Variants in DSCAML1 observed in about 807,000 individuals in gnomAD.
DSCAML1 encodes DS cell adhesion molecule like 1.
A neutral mutation model predicts 200.5 loss-of-function variants in DSCAML1; 38 were observed. The observed-to-expected ratio is 0.19, with a 90% CI of 0.15 to 0.25. DSCAML1 has a LOEUF of 0.25. Ranked by LOEUF, DSCAML1 falls within the 10% of genes least tolerant of loss-of-function variation. DSCAML1 has a pLI of 1.00. For missense variants in DSCAML1, 2,223 were observed against 2,858.8 expected (o/e 0.78, Z 5.07); for synonymous variants, 1,215 against 1,165.0 (o/e 1.04, Z -0.87).
chr11:117,770,762 G>A (rs1415137444), intron 3 of DSCAML1, among the ~76,000 whole-genome samples: 1 of 152,198 alleles, frequency 6.6e-6, no homozygotes, highest in Admixed American at 6.5e-5. Flanking sequence ...GAGCCCCTTG[G>A]AGTGGGTTAA....
At chr11:117,618,484 A>AC (rs1354067481) in intron 3 of DSCAML1, among the ~76,000 whole-genome samples, 1 of 152,076 alleles carries the variant, frequency 6.6e-6, no homozygotes, top group Non-Finnish European at 1.5e-5. Context: ...CTCCCCAGCC[A>AC]CCCTGAGTCT....
At chr11:117,530,135 C>T (rs1252460474) in intron 4 of DSCAML1, among the ~76,000 whole-genome samples, 4 of 152,050 alleles carry the variant, frequency 2.6e-5, no homozygotes, top group East Asian at 1.9e-4. Flanking sequence ...TCTATTTGGG[C>T]TTTATCTGTG....
chr11:117,745,239 C>T (rs1444927944), intron 3 of DSCAML1, among the ~76,000 whole-genome samples: 1 of 150,544 alleles, frequency 6.6e-6, no homozygotes, highest in East Asian at 2.0e-4. Context: ...GGGGTGGCTG[C>T]GTGAGCATGT....
At chr11:117,581,825 C>T (rs1455517419) in intron 3 of DSCAML1, among the ~76,000 whole-genome samples, 2 of 152,188 alleles carry the variant, frequency 1.3e-5, no homozygotes, top group South Asian at 2.1e-4. Flanking sequence ...AGTCCATGCA[C>T]GCCCTTCTAG....
At chr11:117,633,984 G>A (rs2052225928) in intron 3 of DSCAML1, among the ~76,000 whole-genome samples, 1 of 152,220 alleles carries the variant, frequency 6.6e-6, no homozygotes, top group African/African-American at 2.4e-5. Flanking sequence ...TTCAACAACT[G>A]TGTATTAATA....
chr11:117,753,217 T>C (rs868103854), intron 3 of DSCAML1, among the ~76,000 whole-genome samples: 6 of 152,274 alleles, frequency 3.9e-5, no homozygotes, highest in Middle Eastern at 3.4e-3. Context: ...GCACAGTGCA[T>C]AAAGAAAGTG....
intron 19 of DSCAML1, among the ~76,000 whole-genome samples, chr11:117,456,394 GA>G (rs1189034094): frequency 6.6e-6 from 1 of 152,226 alleles, no homozygotes; most frequent in Non-Finnish European, 1.5e-5. Context: ...CTTCCTAACA[GA>G]CACAAGTAGT....
chr11:117,513,572 C>T (rs527884702), intron 8 of DSCAML1, among the ~76,000 whole-genome samples: 1 of 152,178 alleles, frequency 6.6e-6, no homozygotes, highest in African/African-American at 2.4e-5. Flanking sequence ...GAAATCCCAT[C>T]TCTACTAAAA....
rs1055462631 is a variant in DSCAML1, at chr11:117,500,046, C to T, written c.2359+3799G>A. The stretch of plus-strand genomic sequence containing the variant: ...TCTCCCTGTCACTCTCTGCCAGACA[C>T]CCTGAGTTTCCTCAACATAGGACAG... On this transcript the variant is annotated intron_variant, in intron 11 of 32. Coordinates refer to ENST00000651296, the MANE Select transcript of DSCAML1 (RefSeq NM_020693.4). 3.3e-5 allele frequency among the ~76,000 whole-genome samples: 5 copies of T among 152,354 alleles called. No individual in the cohort carries two copies. In the South Asian group the frequency reaches 6.2e-4, roughly 19 times the overall value.
chr11:117,497,206 C>G (rs1021421647), intron 11 of DSCAML1, among the ~76,000 whole-genome samples: 3 of 152,152 alleles, frequency 2.0e-5, no homozygotes, highest in Non-Finnish European at 2.9e-5. Context: ...AATAGAGGAG[C>G]AAACTGAGTC....
chr11:117,649,096 G>T (rs1310062849), intron 3 of DSCAML1, among the ~76,000 whole-genome samples: 1 of 138,850 alleles, frequency 7.2e-6, no homozygotes, highest in Non-Finnish European at 1.5e-5. Context: ...TGTATTTTTA[G>T]ACAGAATTTC....
chr11:117,561,062 G>A (rs936269239), intron 3 of DSCAML1, among the ~76,000 whole-genome samples: 2 of 152,174 alleles, frequency 1.3e-5, no homozygotes, highest in Admixed American at 1.3e-4. Flanking sequence ...TCAGGCTGCA[G>A]GGGCAGACCC....
chr11:117,590,073 A>G (rs1179726613), intron 3 of DSCAML1, among the ~76,000 whole-genome samples: 1 of 152,222 alleles, frequency 6.6e-6, no homozygotes, highest in African/African-American at 2.4e-5. Context: ...TATGTTTTTC[A>G]AAATCTACCT....
intron 3 of DSCAML1, among the ~76,000 whole-genome samples, chr11:117,758,425 G>A (rs561353190): frequency 4.0e-5 from 6 of 151,592 alleles, no homozygotes; most frequent in Non-Finnish European, 5.9e-5. Flanking sequence ...TTTTTGAGAC[G>A]GAGTCTCGCT....
At chr11:117,629,502 C>G (rs555614152) in intron 3 of DSCAML1, among the ~76,000 whole-genome samples, 2 of 147,082 alleles carry the variant, frequency 1.4e-5, no homozygotes, top group South Asian at 4.3e-4. Context: ...AAGCAGCAGA[C>G]AAGGGGGCCT....
intron 3 of DSCAML1, among the ~76,000 whole-genome samples, chr11:117,584,656 C>A (rs1003920061): frequency 1.3e-5 from 2 of 152,200 alleles, no homozygotes; most frequent in African/African-American, 4.8e-5. Flanking sequence ...ATGTGCATCA[C>A]CTGAAGTGTT....
chr11:117,759,056 A>G (rs1011722160), intron 3 of DSCAML1, among the ~76,000 whole-genome samples: 1 of 152,312 alleles, frequency 6.6e-6, no homozygotes, highest in Non-Finnish European at 1.5e-5. Flanking sequence ...CTCTGGCGAT[A>G]CTTCTAGACC....
intron 3 of DSCAML1, among the ~76,000 whole-genome samples, chr11:117,677,973 G>A (rs963333786): frequency 4.2e-4 from 64 of 152,184 alleles, no homozygotes; most frequent in African/African-American, 8.9e-4. Flanking sequence ...GAGGCTGTGC[G>A]GTGTGTCCTA....
chr11:117,653,179 C>T (rs2052666427), intron 3 of DSCAML1, among the ~76,000 whole-genome samples: 1 of 152,122 alleles, frequency 6.6e-6, no homozygotes, highest in Non-Finnish European at 1.5e-5. Flanking sequence ...CCAGGCTTGT[C>T]TCGGGGTGGG....
Sources: gnomAD v4.1 joint callset for allele counts (sites outside exome capture counted in the v4.1 genomes callset) on GRCh38, gnomAD v4.1.1 for gene constraint, MANE v1.5 for transcripts, NCBI Gene and HGNC (gene_info 2026-07-23, HGNC 2026-07-21) for gene names.